ARHGEF28: variants seen among roughly 807,000 people sequenced by gnomAD.
The protein encoded by ARHGEF28 is Rho guanine nucleotide exchange factor 28.
In ARHGEF28, 152 loss-of-function variants were observed where a neutral mutation model predicts 206.6. The ratio of observed to expected loss-of-function variants is 0.74; its 90% CI spans 0.64 to 0.84. ARHGEF28 has a LOEUF of 0.84. Ranked by LOEUF, ARHGEF28 falls within the 40% of genes least tolerant of loss-of-function variation. The pLI is 0.00. For missense variants in ARHGEF28, 2,028 were observed against 2,073.2 expected, an observed-to-expected ratio of 0.98 and a Z score of 0.42; for synonymous variants, 763 against 776.4, an observed-to-expected ratio of 0.98 and a Z score of 0.29.
intron 2 of ARHGEF28, among the ~76,000 whole-genome samples, chr5:73,705,975 G>C (rs1748907425): frequency 6.6e-6 from 1 of 152,170 alleles, no homozygotes; most frequent in Non-Finnish European, 1.5e-5. Flanking sequence ...AGCAACTACT[G>C]CGTTATTATG....
intron 35 of ARHGEF28, among the ~76,000 whole-genome samples, chr5:73,929,725 C>T (rs1462124441): frequency 6.6e-6 from 1 of 152,084 alleles, no homozygotes; most frequent in Admixed American, 6.5e-5. Flanking sequence ...GCTAAAGGCC[C>T]TTACCCATAT....
chr5:73,673,758 T>C (rs1746489124), intron 1 of ARHGEF28, among the ~76,000 whole-genome samples: 1 of 152,182 alleles, frequency 6.6e-6, no homozygotes, highest in Admixed American at 6.5e-5. Flanking sequence ...TTTTCTCTTT[T>C]TACCCTATCA....
intron 6 of ARHGEF28, among the ~76,000 whole-genome samples, chr5:73,778,918 T>G (rs190791052): frequency 6.6e-6 from 1 of 152,334 alleles, no homozygotes; most frequent in Admixed American, 6.5e-5. Flanking sequence ...TTGATTTGAG[T>G]GACTGATCTG....
At position 73,857,648 on chromosome 5, in the gene ARHGEF28, T is replaced by C; in HGVS notation, c.1791-8T>C. 2 of 1,560,866 alleles carry C rather than the reference T, an allele frequency of 1.3e-6. No homozygotes were observed. Among genetic ancestry groups the C allele is most frequent in the Non-Finnish European group, 8.7e-7 (1 of 1,151,704 alleles). ...TATGAGCCATGATAACAGATTCTGT[T>C]TTTGTAGAATTCAGGAAGAAGAATG... On this transcript the variant is annotated splice_polypyrimidine_tract_variant and splice_region_variant and intron_variant, in intron 14 of 35. Coordinates refer to ENST00000513042, the MANE Select transcript of ARHGEF28 (RefSeq NM_001177693.2).
intron 1 of ARHGEF28, among the ~76,000 whole-genome samples, chr5:73,669,578 T>C (rs1211929357): frequency 6.6e-6 from 1 of 152,242 alleles, no homozygotes; most frequent in African/African-American, 2.4e-5. Flanking sequence ...GTTCCCACAA[T>C]GGAAACATTT....
chr5:73,928,190 C>T (rs1937495793), intron 35 of ARHGEF28, among the ~76,000 whole-genome samples: 1 of 152,140 alleles, frequency 6.6e-6, no homozygotes, highest in Admixed American at 6.5e-5. Flanking sequence ...AGGCCGAGGC[C>T]AGCAGCTCAT....
At chr5:73,845,575 C>T (rs1375316017) in intron 11 of ARHGEF28, among the ~76,000 whole-genome samples, 1 of 152,160 alleles carries the variant, frequency 6.6e-6, no homozygotes, top group East Asian at 1.9e-4. Context: ...GACTCTGTTT[C>T]CACCAGCATT....
At chr5:73,751,492 G>C (rs1346602522) in intron 3 of ARHGEF28, among the ~76,000 whole-genome samples, 1 of 152,100 alleles carries the variant, frequency 6.6e-6, no homozygotes, top group Admixed American at 6.5e-5. Flanking sequence ...CTGCCCTTTT[G>C]CTCTGGCTAA....
intron 1 of ARHGEF28, among the ~76,000 whole-genome samples, chr5:73,658,335 T>C (rs1745360354): frequency 6.6e-6 from 1 of 152,124 alleles, no homozygotes; most frequent in Non-Finnish European, 1.5e-5. Context: ...GAGACCTGTC[T>C]TACTCACCTT....
chr5:73,872,854 G>T, intron 21 of ARHGEF28, 145 bp from the exon 22 acceptor site: 3 of 994,940 alleles, frequency 3.0e-6, no homozygotes, highest in Non-Finnish European at 2.9e-6. Context: ...GTTTAATGTT[G>T]ACTTTTATAT....
chr5:73,829,180 T>A (rs1388341153), intron 9 of ARHGEF28, among the ~76,000 whole-genome samples: 2 of 152,204 alleles, frequency 1.3e-5, no homozygotes, highest in East Asian at 3.9e-4. Flanking sequence ...ATCTTGGAGA[T>A]GTCCACAAAC....
At chr5:73,652,150 G>A (rs999756173) in intron 1 of ARHGEF28, among the ~76,000 whole-genome samples, 1 of 152,128 alleles carries the variant, frequency 6.6e-6, no homozygotes, top group Non-Finnish European at 1.5e-5. Context: ...GCTAGGGAAT[G>A]GGGTATATAA....
At chr5:73,827,671 C>T (rs1034821069) in intron 9 of ARHGEF28, among the ~76,000 whole-genome samples, 1 of 152,166 alleles carries the variant, frequency 6.6e-6, no homozygotes. Flanking sequence ...GTGTTTTTCA[C>T]TAATTTAAAA....
At chr5:73,696,600 T>C (rs1748232191) in intron 2 of ARHGEF28, among the ~76,000 whole-genome samples, 2 of 152,238 alleles carry the variant, frequency 1.3e-5, no homozygotes, top group African/African-American at 4.8e-5. Flanking sequence ...TTAAAATTTG[T>C]AATTTGTCTT....
At chr5:73,754,865 AAAAT>A (rs1752214500) in intron 4 of ARHGEF28, among the ~76,000 whole-genome samples, 1 of 150,184 alleles carries the variant, frequency 6.7e-6, no homozygotes, top group South Asian at 2.1e-4. Flanking sequence ...CTGGCTAATT[AAAAT>A]TTTTATTTTT....
In ARHGEF28 at chr5:73,901,215, C is replaced by T; in HGVS notation, c.4005C>T (p.Gly1335=). Reference sequence around the variant, plus strand: ...TCACAGGAGGGAGAGAAGGAAGAGGCTGTTCGGATGTGGATCCCGGGATCC... The same window carrying T: ...TCACAGGAGGGAGAGAAGGAAGAGGTTGTTCGGATGTGGATCCCGGGATCC... ...SLVTGGREGR[G]CSDVDPGIQG... The change falls in exon 31 of 36, where the codon GGC becomes GGT. Residue 1335 remains glycine, a synonymous_variant. Transcript: ENST00000513042. 1 of 1,613,288 alleles carries T rather than the reference C, an allele frequency of 6.2e-7. No homozygotes were observed. The highest frequency in any genetic ancestry group is 1.7e-5 in the Admixed American group (1 of 59,992).
In ARHGEF28 at chr5:73,696,835, C is replaced by T. The variant is rs535625785; in HGVS notation, c.33+11951C>T. On this transcript the variant is annotated intron_variant, in intron 2 of 35. Transcript: ENST00000513042. The stretch of plus-strand genomic sequence containing the variant: ...CAATAAACAGCGGTTGAGGCTCCTC[C>T]TGGAGCACTCTTTAATTTTGTTGTT... Among the ~76,000 whole-genome samples, 17 of 152,312 alleles carry T rather than the reference C, an allele frequency of 1.1e-4. No individual in the cohort carries two copies. The South Asian group carries it at 3.5e-3, about 32-fold the overall frequency.
At chr5:73,750,456 G>T (rs1273195714) in intron 3 of ARHGEF28, among the ~76,000 whole-genome samples, 1 of 151,932 alleles carries the variant, frequency 6.6e-6, no homozygotes, top group African/African-American at 2.4e-5. Flanking sequence ...GGTCACTGGG[G>T]TTCTTTCCTT....
At chr5:73,817,668 C>T (rs1756307493) in intron 9 of ARHGEF28, among the ~76,000 whole-genome samples, 1 of 152,176 alleles carries the variant, frequency 6.6e-6, no homozygotes, top group African/African-American at 2.4e-5. Context: ...TTGTCATCTT[C>T]ATTTATTAGT....
Sources: gnomAD v4.1 joint callset for allele counts (sites outside exome capture counted in the v4.1 genomes callset) on GRCh38, gnomAD v4.1.1 for gene constraint, MANE v1.5 for transcripts, NCBI Gene and HGNC (gene_info 2026-07-23, HGNC 2026-07-21) for gene names.